Variants in PCDH17 observed in about 807,000 individuals in gnomAD.
PCDH17 encodes the protein protocadherin 17, also known as protocadherin-17.
In PCDH17, 21 loss-of-function variants were observed where a neutral mutation model predicts 67.7. That is an observed-to-expected ratio of 0.31 (90% CI 0.22 to 0.45). The LOEUF is 0.45. PCDH17 is among the 20% of genes least tolerant of loss of function. The pLI, the probability that PCDH17 is intolerant of heterozygous loss-of-function variation, is 1.00. For synonymous variants in PCDH17, 701 were observed against 656.7 expected (o/e 1.07, Z -1.03); for missense variants, 1,471 against 1,564.8 (o/e 0.94, Z 1.01).
At position 57,631,797 on chromosome 13, in the gene PCDH17, A is replaced by T. The variant is rs1483086361; in HGVS notation, c.-750A>T. ...GGAAAGGAGAGAGAGGAAAAAAAAA[A>T]TACGCTTGGCTGGTAGATGCAGTCC... On this transcript the variant is annotated 5_prime_UTR_variant, in exon 1 of 4. Transcript: ENST00000377918. 6.8e-6 allele frequency: 1 copy of T among 147,184 alleles called. No homozygotes were observed. Among genetic ancestry groups the T allele is most frequent in the Non-Finnish European group, 1.5e-5 (1 of 66,664 alleles). 9.1% of individuals were successfully genotyped at this position (147,184 alleles called of 1,614,324 possible). A position where few individuals can be genotyped will look rare whatever the true frequency, so the allele number is the denominator to read the frequency against.
chr13:57,667,283 G>C (rs932086024), intron 3 of PCDH17, among the ~76,000 whole-genome samples: 1 of 152,006 alleles, frequency 6.6e-6, no homozygotes, highest in African/African-American at 2.4e-5. Flanking sequence ...TTGGATTTTA[G>C]CTTCAAAATA....
chr13:57,684,784 G>A (rs1008513496), intron 3 of PCDH17, among the ~76,000 whole-genome samples: 2 of 151,890 alleles, frequency 1.3e-5, no homozygotes, highest in African/African-American at 2.4e-5. Flanking sequence ...ATGGTGTTAT[G>A]AATATAAATT....
intron 3 of PCDH17, among the ~76,000 whole-genome samples, chr13:57,693,307 C>T (rs140126552): frequency 0.027 from 1,865 of 68,546 alleles, 42 homozygotes; most frequent in South Asian, 0.1. Flanking sequence ...TATTTGTTCA[C>T]TTACATTCAT....
chr13:57,673,196 T>A (rs1323647942), intron 3 of PCDH17, among the ~76,000 whole-genome samples: 1 of 152,074 alleles, frequency 6.6e-6, no homozygotes, highest in East Asian at 2.0e-4. Context: ...GGGAAGTTCC[T>A]TTAGATCCTC....
Position 57,724,670 on chromosome 13 carries a change from G to T in PCDH17, c.2856G>T (p.Arg952Ser), listed in dbSNP as rs766057274. 8 of 1,614,064 alleles carry T rather than the reference G, an allele frequency of 5.0e-6. No individual in the cohort carries two copies. The South Asian group carries it at 8.8e-5, about 18-fold the overall frequency. The change falls in exon 4 of 4, where the codon AGG becomes AGT. Residue 952 changes from arginine (R) to serine (S), a missense_variant. By Grantham distance (110) the Arg-to-Ser change is moderately radical. Coordinates refer to ENST00000377918, the MANE Select transcript of PCDH17 (RefSeq NM_001040429.3). The stretch of plus-strand genomic sequence containing the variant: ...GCCGAGTGCTTGGTCATTCTGACAG[G>T]TGCTGGATGCCACAGTTCCCTGCAG... ...DECRVLGHSD[R>S]CWMPQFPAAN...
intron 1 of PCDH17, among the ~76,000 whole-genome samples, chr13:57,646,912 C>T (rs766933426): frequency 6.6e-6 from 1 of 151,724 alleles, no homozygotes; most frequent in Non-Finnish European, 1.5e-5. Flanking sequence ...AACCTTGATC[C>T]AGGGGGATGT....
At chr13:57,698,824 A>G (rs935059366) in intron 3 of PCDH17, among the ~76,000 whole-genome samples, 9 of 152,028 alleles carry the variant, frequency 5.9e-5, no homozygotes, top group African/African-American at 2.2e-4. Context: ...ATTAGGTAGC[A>G]TATCTTTATG....
chr13:57,686,931 A>T lies in PCDH17; in HGVS notation c.2797+20098A>T, dbSNP rs914309180. Among the ~76,000 whole-genome samples the T allele has an allele frequency of 2.0e-5, 3 of 152,018 alleles. No homozygotes were observed. The East Asian group carries it at 5.8e-4, about 30-fold the overall frequency. On this transcript the variant is annotated intron_variant, in intron 3 of 3. Transcript: ENST00000377918. ...CTGTTTCACAAATCTTTTTGTTATG[A>T]CTATTGTGTTTTATTTGAAATTCCA...
At position 57,634,908 on chromosome 13, in the gene PCDH17, A is replaced by C. The variant is rs760054114; in HGVS notation, c.2362A>C (p.Ser788Arg). 40 of 1,613,866 alleles carry C rather than the reference A, an allele frequency of 2.5e-5. No individual in the cohort carries two copies. The South Asian group carries it at 4.0e-4, about 16-fold the overall frequency. ...CATGAACGTCATGAACGTGGTGAGC[A>C]GCCCCTCCCTGGCCACCTCCCCCAT... ...NAMNVMNVVS[S>R]PSLATSPMYF... Residue 788 changes from serine to arginine, a missense_variant, in exon 1 of 4, where the codon AGC becomes CGC. Ser to Arg is a moderately radical substitution (Grantham distance 110). Around this residue, in one of 3 missense-constraint regions of PCDH17, gnomAD observed 1,163 missense variants for 1,230.0 expected, o/e 0.95. Coordinates refer to ENST00000377918, the MANE Select transcript of PCDH17 (RefSeq NM_001040429.3). The surrounding 1 kb of genome is among the most constrained non-coding windows in gnomAD (Gnocchi z 7.8).
At chr13:57,654,960 T>C (rs1955085753) in intron 1 of PCDH17, among the ~76,000 whole-genome samples, 1 of 151,982 alleles carries the variant, frequency 6.6e-6, no homozygotes. Context: ...ATTGGTAAAT[T>C]ATCTTTGAAG....
intron 3 of PCDH17, among the ~76,000 whole-genome samples, chr13:57,669,699 A>G (rs1407244729): frequency 1.3e-5 from 2 of 152,148 alleles, no homozygotes; most frequent in Non-Finnish European, 2.9e-5. Context: ...AAATAAGCTA[A>G]CTCGAAGTTT....
At chr13:57,684,265 A>T (rs1197757453) in intron 3 of PCDH17, among the ~76,000 whole-genome samples, 1 of 151,856 alleles carries the variant, frequency 6.6e-6, no homozygotes, top group African/African-American at 2.4e-5. Flanking sequence ...TATGAGATGC[A>T]ATTTTGACTT....
At chr13:57,690,154 T>C (rs926421801) in intron 3 of PCDH17, among the ~76,000 whole-genome samples, 2 of 151,764 alleles carry the variant, frequency 1.3e-5, no homozygotes, top group Non-Finnish European at 2.9e-5. Context: ...TTTTTATATT[T>C]CATATTAGGT....
intron 3 of PCDH17, among the ~76,000 whole-genome samples, chr13:57,677,530 A>C (rs1238837786): frequency 6.6e-6 from 1 of 151,892 alleles, no homozygotes; most frequent in Non-Finnish European, 1.5e-5. Context: ...TGTTTGATGT[A>C]TTCAGAGGAG....
chr13:57,641,422 AAG>A (rs2137983551), intron 1 of PCDH17, among the ~76,000 whole-genome samples: 1 of 150,650 alleles, frequency 6.6e-6, no homozygotes, highest in Admixed American at 6.6e-5. Context: ...AGCAAAAAAA[AAG>A]AAAAAAAACA....
intron 1 of PCDH17, among the ~76,000 whole-genome samples, chr13:57,650,258 G>A (rs1955019821): frequency 6.8e-6 from 1 of 147,836 alleles, no homozygotes. Flanking sequence ...GTGTGTGTGT[G>A]TGTAATAACA....
intron 1 of PCDH17, among the ~76,000 whole-genome samples, chr13:57,653,493 T>C (rs1476454877): frequency 6.6e-6 from 1 of 152,100 alleles, no homozygotes; most frequent in African/African-American, 2.4e-5. Flanking sequence ...AAGAAACTTG[T>C]TCATAATACT....
At chr13:57,684,597 T>C (rs1955489346) in intron 3 of PCDH17, among the ~76,000 whole-genome samples, 1 of 151,956 alleles carries the variant, frequency 6.6e-6, no homozygotes, top group Non-Finnish European at 1.5e-5. Context: ...ATCAACCTAA[T>C]TATTTATGTG....
At chr13:57,703,153 G>A (rs902364043) in intron 3 of PCDH17, among the ~76,000 whole-genome samples, 4 of 152,046 alleles carry the variant, frequency 2.6e-5, no homozygotes, top group African/African-American at 4.8e-5. Flanking sequence ...GTCCATAAAA[G>A]GCATCTTCTT....
Sources: allele counts gnomAD v4.1 joint callset (sites outside exome capture counted in the v4.1 genomes callset), GRCh38; gene constraint gnomAD v4.1.1; regional missense constraint gnomAD v4.1.1; non-coding constraint Gnocchi (gnomAD v3.1); transcripts MANE v1.5; gene names NCBI Gene and HGNC (gene_info 2026-07-23, HGNC 2026-07-21).